Variants in MLLT10 observed in about 807,000 individuals in gnomAD.
The protein encoded by MLLT10 is MLLT10 histone lysine methyltransferase DOT1L cofactor.
In MLLT10, 30 loss-of-function variants were observed where a neutral mutation model predicts 129.1. The ratio of observed to expected loss-of-function variants is 0.23; its 90% CI spans 0.17 to 0.32. The LOEUF is 0.32. Ranked by LOEUF, MLLT10 falls within the 10% of genes least tolerant of loss-of-function variation. MLLT10 has a pLI of 1.00. For missense variants in MLLT10, 1,119 were observed against 1,268.3 expected (o/e 0.88, Z 1.79); for synonymous variants, 490 against 446.4 (o/e 1.10, Z -1.23).
intron 2 of MLLT10, among the ~76,000 whole-genome samples, chr10:21,535,498 C>G (rs1229937800): frequency 6.6e-6 from 1 of 152,172 alleles, no homozygotes; most frequent in Non-Finnish European, 1.5e-5. Context: ...CACCACCAGC[C>G]TAGGTGGCTG....
rs192633190 is a variant in MLLT10 at position 21,651,157 on chromosome 10, C to T, written c.700-516C>T. On this transcript the variant is annotated intron_variant, in intron 8 of 22. Transcript: ENST00000307729. ...AACGATCTTGGCTCACCACAACCTCCGCCTCCTGGGTTCAAGCGATTCTCC... is the reference window on the plus strand; with the variant it reads ...AACGATCTTGGCTCACCACAACCTCTGCCTCCTGGGTTCAAGCGATTCTCC... Among the ~76,000 whole-genome samples, 62 of 152,164 alleles carry T rather than the reference C, an allele frequency of 4.1e-4. 1 individual carries two copies. Among genetic ancestry groups the T allele is most frequent in the Admixed American group, 1.2e-3 (19 of 15,270 alleles).
intron 14 of MLLT10, among the ~76,000 whole-genome samples, chr10:21,724,571 G>C (rs1389832739): frequency 1.3e-5 from 2 of 152,174 alleles, no homozygotes; most frequent in African/African-American, 4.8e-5. Context: ...GTTTATAAAA[G>C]CTTCAGTTTG....
intron 3 of MLLT10, among the ~76,000 whole-genome samples, chr10:21,558,624 A>T (rs1203483409): frequency 6.6e-6 from 1 of 151,322 alleles, no homozygotes; most frequent in African/African-American, 2.4e-5. Context: ...GGCCTCACGC[A>T]GTCCTCCCTC....
rs2058122835 is a variant in MLLT10 at position 21,733,606 on chromosome 10, G to A, written c.2496+14G>A. 6.6e-7 allele frequency: 1 copy of A among 1,516,060 alleles called. No homozygotes were observed. Among genetic ancestry groups the A allele is most frequent in the Non-Finnish European group, 8.9e-7 (1 of 1,129,790 alleles). 93.9% of individuals were successfully genotyped at this position (1,516,060 alleles called of 1,614,324 possible). A position where few individuals can be genotyped will look rare whatever the true frequency, so the allele number is the denominator to read the frequency against. ...GTATTAAATCAGGTAATTTTTGTAT[G>A]GTTATTTTCATCTATGTTGATTTAC... On this transcript the variant is annotated intron_variant, in intron 19 of 22. Transcript: ENST00000307729.
chr10:21,662,675 G>A (rs568075104), intron 9 of MLLT10, among the ~76,000 whole-genome samples: 1 of 152,170 alleles, frequency 6.6e-6, no homozygotes, highest in East Asian at 1.9e-4. Flanking sequence ...CAACATTCCT[G>A]CCATGTCTGA....
At chr10:21,563,977 T>C (rs2131008420) in intron 3 of MLLT10, among the ~76,000 whole-genome samples, 1 of 152,072 alleles carries the variant, frequency 6.6e-6, no homozygotes, top group South Asian at 2.1e-4. Context: ...CACGACTGGC[T>C]AATTTTTTGT....
At chr10:21,572,134 A>C (rs1007032742) in intron 3 of MLLT10, 6 of 152,166 alleles carry the variant, frequency 3.9e-5, no homozygotes, top group African/African-American at 1.2e-4. Flanking sequence ...GCATATGGCT[A>C]TCCAGTTGTT....
chr10:21,681,196 G>C, intron 11 of MLLT10, 136 bp from the exon 12 acceptor site: 1 of 1,016,870 alleles, frequency 9.8e-7, no homozygotes, highest in Non-Finnish European at 1.5e-6. Flanking sequence ...TATAATTTTT[G>C]TTTTTGAAGT....
intron 3 of MLLT10, among the ~76,000 whole-genome samples, chr10:21,539,553 C>G (rs1490838332): frequency 6.7e-6 from 1 of 148,774 alleles, no homozygotes; most frequent in Non-Finnish European, 1.5e-5. Context: ...GCGGGAGTAT[C>G]TCGAGGTCAA....
chr10:21,567,457 G>C (rs2039713694), intron 3 of MLLT10, among the ~76,000 whole-genome samples: 1 of 152,216 alleles, frequency 6.6e-6, no homozygotes, highest in Non-Finnish European at 1.5e-5. Context: ...TACCACTCCA[G>C]TAGGGACAGG....
chr10:21,676,720 CAAAAAAAAAAAAAAAAAA>C (rs56000691), intron 11 of MLLT10, among the ~76,000 whole-genome samples: 5,367 of 32,020 alleles, frequency 0.17, 184 homozygotes, highest in Non-Finnish European at 0.24. Flanking sequence ...GACTCCATCT[CAAAAAAAAAAAAAAAAAA>C]AAAAAAAAAA....
chr10:21,721,676 TTTTA>T (rs1451423926), intron 14 of MLLT10, among the ~76,000 whole-genome samples: 1 of 152,158 alleles, frequency 6.6e-6, no homozygotes, highest in Non-Finnish European at 1.5e-5. Flanking sequence ...ACTAAGTTTC[TTTTA>T]TTTGTTTTGA....
At chr10:21,610,705 T>C (rs1285047460) in intron 5 of MLLT10, among the ~76,000 whole-genome samples, 1 of 151,724 alleles carries the variant, frequency 6.6e-6, no homozygotes, top group Non-Finnish European at 1.5e-5. Flanking sequence ...GTCAGCTCTT[T>C]GGAAGTTACT....
intron 13 of MLLT10, among the ~76,000 whole-genome samples, chr10:21,711,895 T>C (rs1343550253): frequency 1.3e-5 from 2 of 152,232 alleles, no homozygotes; most frequent in Non-Finnish European, 2.9e-5. Flanking sequence ...GTCTCTGTCA[T>C]AGTGCTCTCC....
chr10:21,626,018 G>C, intron 8 of MLLT10: 1 of 1,162,986 alleles, frequency 8.6e-7, no homozygotes, highest in South Asian at 1.2e-5. Context: ...CCTCTGTCCT[G>C]TGGTTACATT....
chr10:21,574,259 A>G (rs2040503560), intron 3 of MLLT10, among the ~76,000 whole-genome samples: 1 of 152,188 alleles, frequency 6.6e-6, no homozygotes, highest in East Asian at 1.9e-4. Context: ...GCATAAAGTC[A>G]TTAATAATAA....
chr10:21,628,260 A>C (rs552786725), intron 8 of MLLT10, among the ~76,000 whole-genome samples: 2 of 152,312 alleles, frequency 1.3e-5, no homozygotes, highest in South Asian at 4.2e-4. Flanking sequence ...TAACTATTGT[A>C]GTATAGCAAT....
chr10:21,612,345 A>G lies in MLLT10; in HGVS notation c.406-3A>G, dbSNP rs933083661. 1.9e-6 allele frequency: 3 copies of G among 1,589,306 alleles called. No individual in the cohort carries two copies. The highest frequency in any genetic ancestry group is 2.7e-5 in the African/African-American group (2 of 73,796). ...TTTTGTCTTTTTTTTTTTTAACCCC[A>G]AGACTTGCTACATTTGTGATGAACA... is the stretch of plus-strand genomic sequence containing the variant. On this transcript the variant is annotated splice_polypyrimidine_tract_variant and splice_region_variant and intron_variant, in intron 5 of 22. Transcript: ENST00000307729.
intron 16 of MLLT10, among the ~76,000 whole-genome samples, chr10:21,729,134 C>T (rs969926211): frequency 6.6e-6 from 1 of 152,044 alleles, no homozygotes; most frequent in Non-Finnish European, 1.5e-5. Context: ...AACCAGGAAT[C>T]TGAAGAACAA....
Sources: gnomAD v4.1 joint callset for allele counts (sites outside exome capture counted in the v4.1 genomes callset) on GRCh38, gnomAD v4.1.1 for gene constraint, MANE v1.5 for transcripts, NCBI Gene and HGNC (gene_info 2026-07-23, HGNC 2026-07-21) for gene names.